KIF26B: variants seen among roughly 807,000 people sequenced by gnomAD.
KIF26B encodes the protein kinesin-like protein KIF26B.
In KIF26B, 63 loss-of-function variants were observed where a neutral mutation model predicts 151.2. The ratio of observed to expected loss-of-function variants is 0.42; its 90% CI spans 0.34 to 0.51. The LOEUF is 0.51. KIF26B is among the 20% of genes least tolerant of loss of function. The probability of loss-of-function intolerance (pLI) is 0.07; values close to 1 mark genes in which losing one functional copy is unlikely to be tolerated. For missense variants in KIF26B, 2,813 were observed against 2,913.6 expected (o/e 0.97, Z 0.79); for synonymous variants, 1,357 against 1,262.1 (o/e 1.08, Z -1.59).
chr1:245,695,358 G>C (rs189641632), intron 12 of KIF26B, among the ~76,000 whole-genome samples: 11 of 152,028 alleles, frequency 7.2e-5, no homozygotes, highest in African/African-American at 2.7e-4. Flanking sequence ...CATTACCCCT[G>C]CCCCAGTACT....
At chr1:245,449,612 G>T (rs1367534079) in intron 4 of KIF26B, among the ~76,000 whole-genome samples, 1 of 152,154 alleles carries the variant, frequency 6.6e-6, no homozygotes, top group Non-Finnish European at 1.5e-5. Flanking sequence ...GAGCTGGGAA[G>T]TGTGTTCACC....
At chr1:245,396,405 A>G (rs972432707) in intron 3 of KIF26B, among the ~76,000 whole-genome samples, 1 of 152,216 alleles carries the variant, frequency 6.6e-6, no homozygotes, top group Non-Finnish European at 1.5e-5. Context: ...ATAATCACTC[A>G]AAACTGTGTC....
chr1:245,492,158 C>A (rs1329885797), intron 4 of KIF26B, among the ~76,000 whole-genome samples: 2 of 152,222 alleles, frequency 1.3e-5, no homozygotes, highest in Admixed American at 1.3e-4. Context: ...GTTGTACTCT[C>A]TGCATCTTGG....
At chr1:245,433,863 T>C (rs372894167) in intron 4 of KIF26B, among the ~76,000 whole-genome samples, 7 of 152,238 alleles carry the variant, frequency 4.6e-5, no homozygotes, top group African/African-American at 1.7e-4. Flanking sequence ...TAAGAGTCCA[T>C]GGTTTGTCCT....
chr1:245,274,785 G>C (rs1413759430), intron 2 of KIF26B, among the ~76,000 whole-genome samples: 2 of 151,892 alleles, frequency 1.3e-5, no homozygotes, highest in Non-Finnish European at 2.9e-5. Flanking sequence ...TCTGGTTCTA[G>C]ATCCTTGAGG....
Position 245,688,059 on chromosome 1 carries a change from C to T in KIF26B, c.5076C>T (p.Ser1692=). The change falls in exon 12 of 15, where the codon AGC becomes AGT. Residue 1692 remains serine, a synonymous_variant. Coordinates refer to ENST00000407071, the MANE Select transcript of KIF26B (RefSeq NM_018012.4). The part of the protein sequence containing the change: ...LERAESLSSV[S]SRLHAGKDGT... The stretch of plus-strand genomic sequence containing the variant: ...GGGCCGAGAGCCTGTCCTCCGTGAG[C>T]TCCCGGCTGCACGCGGGCAAGGACG... 2 of 1,553,272 alleles carry T rather than the reference C, an allele frequency of 1.3e-6. No individual in the cohort carries two copies. The highest frequency in any genetic ancestry group is 1.2e-5 in the South Asian group (1 of 84,446).
intron 5 of KIF26B, among the ~76,000 whole-genome samples, chr1:245,544,426 A>C (rs978024326): frequency 6.6e-6 from 1 of 152,268 alleles, no homozygotes; most frequent in Non-Finnish European, 1.5e-5. Flanking sequence ...GTTGTCACCC[A>C]GCCGGACCAC....
chr1:245,591,619 G>C (rs2043290006), intron 5 of KIF26B, among the ~76,000 whole-genome samples: 1 of 152,312 alleles, frequency 6.6e-6, no homozygotes, highest in South Asian at 2.1e-4. Flanking sequence ...GTGTCACTGA[G>C]GTCGGAGTGG....
chr1:245,393,859 G>C (rs182551563), intron 3 of KIF26B, among the ~76,000 whole-genome samples: 133 of 152,270 alleles, frequency 8.7e-4, no homozygotes, highest in Non-Finnish European at 1.4e-3. Context: ...GATGCCCTGG[G>C]TGTTATTCTC....
intron 2 of KIF26B, among the ~76,000 whole-genome samples, chr1:245,306,298 A>G (rs1671538399): frequency 6.6e-6 from 1 of 152,250 alleles, no homozygotes; most frequent in African/African-American, 2.4e-5. Flanking sequence ...GACATATTGT[A>G]TGATTCCTTT....
chr1:245,393,832 T>C (rs1192161213), intron 3 of KIF26B, among the ~76,000 whole-genome samples: 1 of 152,172 alleles, frequency 6.6e-6, no homozygotes, highest in Non-Finnish European at 1.5e-5. Flanking sequence ...TAACTGAACC[T>C]AGTGTGTTCT....
rs780871297 is a variant in KIF26B, at chr1:245,540,771, G to A, written c.1171G>A (p.Ala391Thr). 1.9e-6 allele frequency: 3 copies of A among 1,613,584 alleles called. No homozygotes were observed. The highest frequency in any genetic ancestry group is 1.1e-5 in the South Asian group (1 of 91,072). ...SVAASFFARA[A>T]QKLNLSSKKK... Reference sequence around the variant, plus strand: ...TTGTTCCTTTTTCCACTCCAGAGCTGCCCAGAAGTTAAATCTGTCTTCTAA... The same window carrying A: ...TTGTTCCTTTTTCCACTCCAGAGCTACCCAGAAGTTAAATCTGTCTTCTAA... The change falls in exon 5 of 15, where the codon GCC (alanine) becomes ACC (threonine). Residue 391 changes from alanine (A) to threonine (T), a missense_variant. Ala to Thr is a moderately conservative substitution (Grantham distance 58). This residue lies in a region of KIF26B where 676 missense variants were observed against 688.1 expected (regional missense o/e 0.98). Coordinates refer to ENST00000407071, the MANE Select transcript of KIF26B (RefSeq NM_018012.4). This position sits in a 1 kb window ranked among gnomAD's most constrained non-coding sequence, Gnocchi z 4.6.
intron 4 of KIF26B, among the ~76,000 whole-genome samples, chr1:245,499,465 A>G (rs1558189575): frequency 6.6e-6 from 1 of 152,224 alleles, no homozygotes; most frequent in East Asian, 1.9e-4. Context: ...GCCATAGTCT[A>G]TCGGAAGTGA....
intron 14 of KIF26B, among the ~76,000 whole-genome samples, chr1:245,700,727 CAAAG>C (rs542552354): frequency 6.6e-6 from 1 of 152,110 alleles, no homozygotes; most frequent in Non-Finnish European, 1.5e-5. Context: ...GAAATTTGAG[CAAAG>C]AAAGACATGA....
At chr1:245,412,380 G>A (rs948383801) in intron 3 of KIF26B, among the ~76,000 whole-genome samples, 6 of 152,182 alleles carry the variant, frequency 3.9e-5, no homozygotes, top group Admixed American at 3.9e-4. Flanking sequence ...GACTGAGTAG[G>A]AAGCAATTGC....
At chr1:245,465,009 C>G (rs1187679681) in intron 4 of KIF26B, among the ~76,000 whole-genome samples, 1 of 141,126 alleles carries the variant, frequency 7.1e-6, no homozygotes, top group Non-Finnish European at 1.5e-5. Flanking sequence ...GACTGAGTCT[C>G]ACTCTGTCGC....
At chr1:245,625,111 T>C (rs902785420) in intron 9 of KIF26B, among the ~76,000 whole-genome samples, 6 of 152,238 alleles carry the variant, frequency 3.9e-5, no homozygotes, top group Admixed American at 3.3e-4. Flanking sequence ...TTCTGTTCCA[T>C]TGATCTATTT....
intron 2 of KIF26B, among the ~76,000 whole-genome samples, chr1:245,296,809 T>C (rs1558379357): frequency 6.6e-6 from 1 of 152,242 alleles, no homozygotes; most frequent in Non-Finnish European, 1.5e-5. Context: ...TCAAAAATTC[T>C]TTTTCTGGCC....
chr1:245,362,531 C>T (rs981967416), intron 2 of KIF26B, among the ~76,000 whole-genome samples: 35 of 139,428 alleles, frequency 2.5e-4, no homozygotes, highest in Non-Finnish European at 3.2e-4. Flanking sequence ...AGCAAGACTC[C>T]ATCTCAAAAA....
Sources: gnomAD v4.1 joint callset for allele counts (sites outside exome capture counted in the v4.1 genomes callset) on GRCh38, gnomAD v4.1.1 for gene constraint, gnomAD v4.1.1 regional missense constraint, Gnocchi (gnomAD v3.1) non-coding constraint, MANE v1.5 for transcripts, NCBI Gene and HGNC (gene_info 2026-07-23, HGNC 2026-07-21) for gene names.